PLCL2: variants seen among roughly 807,000 people sequenced by gnomAD.
The protein encoded by PLCL2 is phospholipase C like 2.
PLCL2 carries 4 observed loss-of-function variants against 79.6 expected under a neutral mutation model. The ratio of observed to expected loss-of-function variants is 0.05; its 90% CI spans 0.02 to 0.11. The LOEUF is 0.11. Among genes scored for constraint, PLCL2 ranks in the 10% least tolerant of loss-of-function variants. The probability of loss-of-function intolerance (pLI) is 1.00; values close to 1 mark genes in which losing one functional copy is unlikely to be tolerated. For synonymous variants in PLCL2, 484 were observed against 457.7 expected, an observed-to-expected ratio of 1.06 and a Z score of -0.73; for missense variants, 895 against 1,291.0, an observed-to-expected ratio of 0.69 and a Z score of 4.70.
intron 1 of PLCL2, among the ~76,000 whole-genome samples, chr3:16,888,803 G>A (rs1383316368): frequency 1.3e-5 from 2 of 152,170 alleles, no homozygotes; most frequent in Non-Finnish European, 2.9e-5. Context: ...AAGTTAAAAT[G>A]TCTATTGCTG....
rs2064330830 is a variant in PLCL2, at chr3:17,012,014, C to A, written c.2668C>A (p.His890Asn). The stretch of plus-strand genomic sequence containing the variant: ...TAACCGAAGAGGAGGAGGAAAGCCT[C>A]ATAAAAGGGGCCTTTCTGTGAGAAA... ...ITNRRGGGKP[H>N]KRGLSVRKGK... The change falls in exon 2 of 6, where the codon CAT (histidine) becomes AAT (asparagine). Residue 890 changes from histidine to asparagine, a missense_variant. Transcript: ENST00000615277. 3.7e-6 allele frequency: 6 copies of A among 1,614,044 alleles called. No homozygotes were observed. The highest frequency in any genetic ancestry group is 5.1e-6 in the Non-Finnish European group (6 of 1,180,014).
intron 5 of PLCL2, among the ~76,000 whole-genome samples, chr3:17,075,759 A>G (rs967326253): frequency 3.3e-5 from 5 of 152,260 alleles, no homozygotes; most frequent in African/African-American, 1.2e-4. Context: ...ATGTCATATA[A>G]ATGGAATTAC....
Position 17,011,984 on chromosome 3 carries a change from A to G in PLCL2, c.2638A>G (p.Ile880Val), listed in dbSNP as rs1008390082. The G allele has an allele frequency of 1.2e-6, 2 of 1,614,178 alleles. No homozygotes were observed. The highest frequency in any genetic ancestry group is 2.2e-5 in the South Asian group (2 of 91,090). Reference protein sequence around the residue: ...AHASLFVHVAITNRRGGGKPH... With the variant: ...AHASLFVHVAVTNRRGGGKPH... Reference sequence around the variant, plus strand: ...TGCTTCTTTATTTGTCCACGTGGCTATTACTAACCGAAGAGGAGGAGGAAA... The same window carrying G: ...TGCTTCTTTATTTGTCCACGTGGCTGTTACTAACCGAAGAGGAGGAGGAAA... Residue 880 changes from isoleucine (I) to valine (V), a missense_variant, in exon 2 of 6, where the codon ATT (isoleucine) becomes GTT (valine). Ile to Val is a conservative substitution (Grantham distance 29, BLOSUM62 3). Around this residue, in one of 6 missense-constraint regions of PLCL2, gnomAD observed 298 missense variants for 459.6 expected, o/e 0.65. Coordinates refer to ENST00000615277, the MANE Select transcript of PLCL2 (RefSeq NM_001144382.2). This position sits in a 1 kb window ranked among gnomAD's most constrained non-coding sequence, Gnocchi z 7.9.
intron 1 of PLCL2, among the ~76,000 whole-genome samples, chr3:17,000,811 C>T (rs6442659): frequency 0.32 from 49,259 of 151,850 alleles, 8,324 homozygotes; most frequent in African/African-American, 0.33. Flanking sequence ...ATTTTAAAAA[C>T]CTATCCATCC....
intron 1 of PLCL2, among the ~76,000 whole-genome samples, chr3:16,946,253 C>T (rs566149946): frequency 6.6e-6 from 1 of 152,044 alleles, no homozygotes; most frequent in Admixed American, 6.6e-5. Flanking sequence ...GGAGAGCGCA[C>T]CTTGTTCACC....
intron 1 of PLCL2, among the ~76,000 whole-genome samples, chr3:16,929,075 C>G (rs1697328331): frequency 0.025 from 2 of 80 alleles, no homozygotes; most frequent in Admixed American, 0.25. Flanking sequence ...TGAACGTACA[C>G]CACAGCCGCA....
At chr3:17,049,066 A>G (rs1217587458) in intron 4 of PLCL2, among the ~76,000 whole-genome samples, 4 of 152,100 alleles carry the variant, frequency 2.6e-5, no homozygotes, top group Non-Finnish European at 5.9e-5. Context: ...CAGCCATACC[A>G]GCAGGTACGA....
chr3:17,066,356 G>C (rs2065011264), intron 4 of PLCL2, among the ~76,000 whole-genome samples: 1 of 152,132 alleles, frequency 6.6e-6, no homozygotes, highest in African/African-American at 2.4e-5. Flanking sequence ...GTAGGAAAAA[G>C]AAACACAGAA....
intron 5 of PLCL2, among the ~76,000 whole-genome samples, chr3:17,072,709 T>TTA (rs1238255872): frequency 1.3e-5 from 2 of 151,836 alleles, no homozygotes; most frequent in East Asian, 3.9e-4. Flanking sequence ...CATTCTCTAA[T>TTA]ATTACTAGAT....
chr3:16,954,868 G>A (rs912167218), intron 1 of PLCL2, among the ~76,000 whole-genome samples: 6 of 152,138 alleles, frequency 3.9e-5, no homozygotes, highest in Admixed American at 2.6e-4. Flanking sequence ...ACTTTTTGAT[G>A]GGGTTGTTTG....
At position 16,988,495 on chromosome 3, in the gene PLCL2, A is replaced by G. The variant is rs148861437; in HGVS notation, c.328-21179A>G. On this transcript the variant is annotated intron_variant, in intron 1 of 5. Coordinates refer to ENST00000615277, the MANE Select transcript of PLCL2 (RefSeq NM_001144382.2). ...GGAAATGGAATCCCTCTTGAGTTCT[A>G]TGAAGCCATTGCTGACGGTGGCTGC... Among the ~76,000 whole-genome samples the G allele has an allele frequency of 3.1e-3, 476 of 152,216 alleles. 5 individuals carry two copies. Among genetic ancestry groups the G allele is most frequent in the African/African-American group, 9.9e-3 (412 of 41,506 alleles).
intron 1 of PLCL2, among the ~76,000 whole-genome samples, chr3:16,962,806 A>T (rs2063767848): frequency 6.6e-6 from 1 of 152,206 alleles, no homozygotes; most frequent in African/African-American, 2.4e-5. Flanking sequence ...TCTCCTTCTT[A>T]TTCCTAAAGA....
At chr3:17,041,441 C>T (rs1013034384) in intron 3 of PLCL2, among the ~76,000 whole-genome samples, 3 of 152,060 alleles carry the variant, frequency 2.0e-5, no homozygotes, top group Non-Finnish European at 2.9e-5. Flanking sequence ...TGATGTTTAC[C>T]ATTTTTTTAG....
At chr3:16,966,626 C>G (rs2124974979) in intron 1 of PLCL2, among the ~76,000 whole-genome samples, 1 of 152,108 alleles carries the variant, frequency 6.6e-6, no homozygotes, top group East Asian at 1.9e-4. Context: ...TAGAATTCGG[C>G]CGTGAATCCT....
rs1258070296 is a variant in PLCL2 at position 17,009,036 on chromosome 3, G to A, written c.328-638G>A. 6.6e-5 allele frequency among the ~76,000 whole-genome samples: 10 copies of A among 151,292 alleles called. No homozygotes were observed. Among genetic ancestry groups the A allele is most frequent in the Non-Finnish European group, 1.3e-4 (9 of 67,860 alleles). On this transcript the variant is annotated intron_variant, in intron 1 of 5. Transcript: ENST00000615277. This position sits in a 1 kb window ranked among gnomAD's most constrained non-coding sequence, Gnocchi z 4.0. The stretch of plus-strand genomic sequence containing the variant: ...TTCTCACTCTGTTGCCCAGGCTGGA[G>A]TGCAGTGACACAATCTCAGCTCACT...
chr3:16,885,967 G>T (rs1696211279), intron 1 of PLCL2, among the ~76,000 whole-genome samples: 1 of 152,218 alleles, frequency 6.6e-6, no homozygotes. Flanking sequence ...AAAGCTCAGA[G>T]ATTACAGTTC....
chr3:17,032,144 G>C (rs2064590533), intron 3 of PLCL2, among the ~76,000 whole-genome samples: 1 of 152,008 alleles, frequency 6.6e-6, no homozygotes. Context: ...TTTAGAGTAG[G>C]ATAAGTATTT....
At chr3:16,996,600 G>A (rs2064155757) in intron 1 of PLCL2, among the ~76,000 whole-genome samples, 1 of 152,140 alleles carries the variant, frequency 6.6e-6, no homozygotes, top group East Asian at 1.9e-4. Flanking sequence ...TGGTCAGGAA[G>A]CCAGGGTGAA....
intron 1 of PLCL2, among the ~76,000 whole-genome samples, chr3:16,923,543 C>G (rs1400272851): frequency 6.6e-6 from 1 of 152,206 alleles, no homozygotes; most frequent in Non-Finnish European, 1.5e-5. Flanking sequence ...TTCAGACTTT[C>G]ACTCTTCTTG....
Sources: gnomAD v4.1 joint callset for allele counts (sites outside exome capture counted in the v4.1 genomes callset) on GRCh38, gnomAD v4.1.1 for gene constraint, gnomAD v4.1.1 regional missense constraint, Gnocchi (gnomAD v3.1) non-coding constraint, MANE v1.5 for transcripts, NCBI Gene and HGNC (gene_info 2026-07-23, HGNC 2026-07-21) for gene names.